ST6GALNAC5: variants seen among roughly 807,000 people sequenced by gnomAD.
ST6GALNAC5 encodes the protein alpha-N-acetylgalactosaminide alpha-2,6-sialyltransferase 5.
A neutral mutation model predicts 33.6 loss-of-function variants in ST6GALNAC5; 27 were observed. The observed-to-expected ratio is 0.80, with a 90% CI of 0.59 to 1.11. The LOEUF (loss-of-function observed/expected upper bound fraction) is 1.11. Ranked by LOEUF, ST6GALNAC5 falls within the 50% of genes least tolerant of loss-of-function variation. The pLI, the probability that ST6GALNAC5 is intolerant of heterozygous loss-of-function variation, is 0.00. For missense variants in ST6GALNAC5, 428 were observed against 454.0 expected, an observed-to-expected ratio of 0.94 and a Z score of 0.52; for synonymous variants, 194 against 171.2, an observed-to-expected ratio of 1.13 and a Z score of -1.04.
intron 2 of ST6GALNAC5, among the ~76,000 whole-genome samples, chr1:76,957,072 C>T (rs1344543008): frequency 1.3e-5 from 2 of 152,218 alleles, no homozygotes; most frequent in African/African-American, 4.8e-5. Flanking sequence ...TAACTGAAGA[C>T]TTTTTACCTT....
At chr1:77,027,106 G>T (rs1651271454) in intron 2 of ST6GALNAC5, among the ~76,000 whole-genome samples, 1 of 152,232 alleles carries the variant, frequency 6.6e-6, no homozygotes, top group Non-Finnish European at 1.5e-5. Flanking sequence ...CAAGCAGCAG[G>T]TGCCAGTGCC....
chr1:77,059,383 T>C (rs1314459533), intron 4 of ST6GALNAC5, among the ~76,000 whole-genome samples: 1 of 152,184 alleles, frequency 6.6e-6, no homozygotes, highest in Non-Finnish European at 1.5e-5. Flanking sequence ...CATGACACTT[T>C]TGATGAGGAC....
At chr1:76,876,759 G>A (rs755120623) in intron 2 of ST6GALNAC5, among the ~76,000 whole-genome samples, 1 of 152,186 alleles carries the variant, frequency 6.6e-6, no homozygotes, top group Non-Finnish European at 1.5e-5. Context: ...TCCTAGAAAG[G>A]GCCATAGTGC....
At chr1:76,911,656 C>G (rs1481167600) in intron 2 of ST6GALNAC5, among the ~76,000 whole-genome samples, 2 of 152,046 alleles carry the variant, frequency 1.3e-5, no homozygotes, top group African/African-American at 2.4e-5. Flanking sequence ...TCAACTTCTT[C>G]CTGGTTTAGT....
At chr1:76,895,910 G>T (rs932270398) in intron 2 of ST6GALNAC5, among the ~76,000 whole-genome samples, 1 of 152,202 alleles carries the variant, frequency 6.6e-6, no homozygotes, top group Non-Finnish European at 1.5e-5. Flanking sequence ...CTGAGGACAG[G>T]TCTGACTTCT....
chr1:76,933,696 C>G (rs1406314803), intron 2 of ST6GALNAC5, among the ~76,000 whole-genome samples: 1 of 147,752 alleles, frequency 6.8e-6, no homozygotes, highest in Admixed American at 6.8e-5. Flanking sequence ...CTTCTGTGAA[C>G]CCGGGAGAAG....
At chr1:77,060,510 G>A (rs1012965690) in intron 4 of ST6GALNAC5, among the ~76,000 whole-genome samples, 2 of 152,148 alleles carry the variant, frequency 1.3e-5, no homozygotes, top group African/African-American at 4.8e-5. Flanking sequence ...TGGGGTAGAT[G>A]TTCCTGCAGT....
rs149837315 is a variant in ST6GALNAC5, at chr1:77,035,254, A to G, written c.262-8950A>G. On this transcript the variant is annotated intron_variant, in intron 2 of 4. Coordinates refer to ENST00000477717, the MANE Select transcript of ST6GALNAC5 (RefSeq NM_030965.3). ...TGCAACAATATTATTCCATAAGTCT[A>G]TGAAGCTCATTTTAATGTAAATGAC... Among the ~76,000 whole-genome samples, 5 of 152,292 alleles carry G rather than the reference A, an allele frequency of 3.3e-5. No homozygotes were observed. The East Asian group carries it at 7.7e-4, about 24-fold the overall frequency.
rs527966743 is a variant in ST6GALNAC5 at position 76,876,688 on chromosome 1, T to C, written c.261+7946T>C. On this transcript the variant is annotated intron_variant, in intron 2 of 4. Transcript: ENST00000477717. The stretch of plus-strand genomic sequence containing the variant: ...CTTCCATGCAAAGTGCACAACCACG[T>C]GCACTGCTCAAAGTTCTGCCCACTG... Among the ~76,000 whole-genome samples the C allele has an allele frequency of 2.0e-5, 3 of 152,324 alleles. No individual in the cohort carries two copies. In the East Asian group the frequency reaches 5.8e-4, roughly 29 times the overall value.
intron 2 of ST6GALNAC5, among the ~76,000 whole-genome samples, chr1:76,958,977 C>T (rs1648116235): frequency 6.6e-6 from 1 of 152,178 alleles, no homozygotes; most frequent in Admixed American, 6.5e-5. Context: ...TGCTCTTCCA[C>T]TTGCTAGGCC....
chr1:76,990,395 G>T lies in ST6GALNAC5; in HGVS notation c.262-53809G>T, dbSNP rs1300711351. On this transcript the variant is annotated intron_variant, in intron 2 of 4. Transcript: ENST00000477717. Reference sequence around the variant, plus strand: ...ATGGTTCTGAGCATGAACTCAAACAGCAGTTACCTGAAAATCCAGACACAT... The same window carrying T: ...ATGGTTCTGAGCATGAACTCAAACATCAGTTACCTGAAAATCCAGACACAT... Among the ~76,000 whole-genome samples, 3 of 152,310 alleles carry T rather than the reference G, an allele frequency of 2.0e-5. No individual in the cohort carries two copies. The East Asian group carries it at 5.8e-4, about 29-fold the overall frequency.
At chr1:76,961,321 G>C (rs1486984511) in intron 2 of ST6GALNAC5, among the ~76,000 whole-genome samples, 1 of 152,126 alleles carries the variant, frequency 6.6e-6, no homozygotes, top group Non-Finnish European at 1.5e-5. Flanking sequence ...TTCTGGCCTA[G>C]AGTCCTGTGA....
chr1:77,052,140 A>T (rs1652240043), intron 4 of ST6GALNAC5, among the ~76,000 whole-genome samples: 1 of 152,198 alleles, frequency 6.6e-6, no homozygotes, highest in African/African-American at 2.4e-5. Flanking sequence ...CAAAGCTTTG[A>T]TAGTTGTTTG....
At chr1:76,940,381 A>G (rs970565240) in intron 2 of ST6GALNAC5, among the ~76,000 whole-genome samples, 1 of 152,124 alleles carries the variant, frequency 6.6e-6, no homozygotes, top group Non-Finnish European at 1.5e-5. Flanking sequence ...TGTGCCTAGT[A>G]AGTAAAACTG....
At chr1:77,013,943 T>C (rs1052903855) in intron 2 of ST6GALNAC5, among the ~76,000 whole-genome samples, 1 of 152,170 alleles carries the variant, frequency 6.6e-6, no homozygotes, top group Non-Finnish European at 1.5e-5. Flanking sequence ...TCCCATCAAT[T>C]GTAAAGCCAA....
intron 2 of ST6GALNAC5, among the ~76,000 whole-genome samples, chr1:77,024,095 A>G (rs1396331911): frequency 6.6e-6 from 1 of 152,210 alleles, no homozygotes; most frequent in Admixed American, 6.5e-5. Context: ...TGGGCCTGGA[A>G]GCTTGGGAGC....
chr1:76,881,832 C>T (rs1186330019), intron 2 of ST6GALNAC5, among the ~76,000 whole-genome samples: 2 of 152,152 alleles, frequency 1.3e-5, no homozygotes, highest in Non-Finnish European at 2.9e-5. Context: ...AATCAGATCT[C>T]TTAAAGCATA....
chr1:77,028,231 C>G (rs73005305), intron 2 of ST6GALNAC5, among the ~76,000 whole-genome samples: 3,522 of 152,286 alleles, frequency 0.023, 65 homozygotes, highest in African/African-American at 0.057. Context: ...AAGAATGTGA[C>G]CACTGCTGCT....
rs555032836 is a variant in ST6GALNAC5 at position 77,025,781 on chromosome 1, C to G, written c.262-18423C>G. 5.6e-3 allele frequency among the ~76,000 whole-genome samples: 853 copies of G among 152,244 alleles called. 7 individuals carry two copies. The highest frequency in any genetic ancestry group is 0.02 in the African/African-American group (819 of 41,546). On this transcript the variant is annotated intron_variant, in intron 2 of 4. Coordinates refer to ENST00000477717, the MANE Select transcript of ST6GALNAC5 (RefSeq NM_030965.3). ...TCATCCAGTCCCACTCAGGCTCCCT[C>G]CCTCCTGCTGCCCCTCCTCCAGGCA...
Sources: allele counts gnomAD v4.1 joint callset (sites outside exome capture counted in the v4.1 genomes callset), GRCh38; gene constraint gnomAD v4.1.1; transcripts MANE v1.5; gene names NCBI Gene and HGNC (gene_info 2026-07-23, HGNC 2026-07-21).